Variants in SLX4IP observed in about 807,000 individuals in gnomAD.
SLX4IP encodes protein SLX4IP.
A neutral mutation model predicts 32.9 loss-of-function variants in SLX4IP; 34 were observed. The ratio of observed to expected loss-of-function variants is 1.03; its 90% CI spans 0.79 to 1.38. SLX4IP has a LOEUF of 1.38. SLX4IP is among the 40% of genes most tolerant of loss of function. The pLI, the probability that SLX4IP is intolerant of heterozygous loss-of-function variation, is 0.00. For missense variants in SLX4IP, 444 were observed against 479.0 expected (o/e 0.93, Z 0.68); for synonymous variants, 172 against 171.7 (o/e 1.00, Z -0.01).
intron 6 of SLX4IP, chr20:10,613,487 T>C: frequency 6.3e-7 from 1 of 1,599,900 alleles, no homozygotes; most frequent in South Asian, 1.1e-5. Context: ...CTTTGGAAGA[T>C]TTGCAGTACT....
chr20:10,501,954 G>A (rs1409293223), intron 2 of SLX4IP, among the ~76,000 whole-genome samples: 2 of 152,198 alleles, frequency 1.3e-5, no homozygotes, highest in Admixed American at 6.5e-5. Context: ...TCTGATGAGA[G>A]CACACCGTTT....
At chr20:10,587,832 A>G (rs1393628136) in intron 4 of SLX4IP, among the ~76,000 whole-genome samples, 2 of 152,176 alleles carry the variant, frequency 1.3e-5, no homozygotes, top group African/African-American at 2.4e-5. Context: ...ATCTTATACC[A>G]TACACAAAAA....
chr20:10,582,214 G>A (rs1013425426), intron 4 of SLX4IP, among the ~76,000 whole-genome samples: 5 of 152,124 alleles, frequency 3.3e-5, no homozygotes, highest in African/African-American at 9.7e-5. Context: ...AGGTGGCAGG[G>A]TGCAGGCAGG....
chr20:10,596,003 G>T (rs1015327480), intron 4 of SLX4IP, among the ~76,000 whole-genome samples: 1 of 152,140 alleles, frequency 6.6e-6, no homozygotes, highest in African/African-American at 2.4e-5. Context: ...AGGGGTCAAG[G>T]TTTCAATAAA....
At chr20:10,609,235 T>C (rs1037483566) in intron 6 of SLX4IP, among the ~76,000 whole-genome samples, 1 of 152,200 alleles carries the variant, frequency 6.6e-6, no homozygotes, top group Non-Finnish European at 1.5e-5. Context: ...CTTCTCAGGC[T>C]TGAATTCCTA....
intron 4 of SLX4IP, among the ~76,000 whole-genome samples, chr20:10,581,368 C>G (rs2066584298): frequency 6.6e-6 from 1 of 152,130 alleles, no homozygotes; most frequent in Non-Finnish European, 1.5e-5. Flanking sequence ...TGGGAGACAT[C>G]TGCCACTGAG....
chr20:10,535,664 CT>C lies in SLX4IP; in HGVS notation c.28-20565del, dbSNP rs1284870097. 3.6e-4 allele frequency among the ~76,000 whole-genome samples: 55 copies of C among 152,208 alleles called. 1 individual carries two copies. The highest frequency in any genetic ancestry group is 1.3e-3 in the African/African-American group (54 of 41,536). On this transcript the variant is annotated intron_variant, in intron 2 of 7. Coordinates refer to ENST00000334534, the MANE Select transcript of SLX4IP (RefSeq NM_001009608.3). Reference sequence around the variant, plus strand: ...TCTAGGGTAAGAGTCAAGGTATGAACTTAAGAGGTTTCATCCTTAGTCTCAT... The same window carrying C: ...TCTAGGGTAAGAGTCAAGGTATGAACTAAGAGGTTTCATCCTTAGTCTCAT...
intron 4 of SLX4IP, among the ~76,000 whole-genome samples, chr20:10,588,106 A>G (rs1018123057): frequency 1.3e-5 from 2 of 152,158 alleles, no homozygotes; most frequent in African/African-American, 4.8e-5. Flanking sequence ...TCCAAAATAT[A>G]TAAGGAACTC....
chr20:10,570,615 G>A (rs375089257), intron 4 of SLX4IP, among the ~76,000 whole-genome samples: 1 of 149,706 alleles, frequency 6.7e-6, no homozygotes, highest in Non-Finnish European at 1.5e-5. Context: ...TGCAACCTCC[G>A]CCTCCCAGGT....
chr20:10,571,625 C>T (rs1039105083), intron 4 of SLX4IP, among the ~76,000 whole-genome samples: 3 of 152,202 alleles, frequency 2.0e-5, no homozygotes, highest in Non-Finnish European at 2.9e-5. Context: ...TAGCAGCACT[C>T]ATTGTTCCAG....
intron 5 of SLX4IP, among the ~76,000 whole-genome samples, chr20:10,600,748 G>A (rs900156331): frequency 6.6e-6 from 1 of 152,126 alleles, no homozygotes; most frequent in Admixed American, 6.5e-5. Flanking sequence ...TCTTTAAAAA[G>A]AAATTGGTCT....
chr20:10,614,327 T>G (rs1198532284), intron 6 of SLX4IP: 1 of 578,356 alleles, frequency 1.7e-6, no homozygotes, highest in African/African-American at 1.9e-5. Context: ...ATTGAATAGC[T>G]TTTTTTCATC....
At chr20:10,488,292 A>G (rs1029503519) in intron 2 of SLX4IP, among the ~76,000 whole-genome samples, 2 of 152,212 alleles carry the variant, frequency 1.3e-5, no homozygotes, top group African/African-American at 2.4e-5. Flanking sequence ...ACACAGAGAC[A>G]GCACACACAG....
intron 4 of SLX4IP, among the ~76,000 whole-genome samples, chr20:10,580,210 C>G (rs1052954440): frequency 5.3e-5 from 8 of 152,126 alleles, no homozygotes; most frequent in African/African-American, 1.9e-4. Flanking sequence ...AAAGTTGAGG[C>G]CAGGTTAAAA....
chr20:10,577,441 G>T (rs1421355776), intron 4 of SLX4IP, among the ~76,000 whole-genome samples: 1 of 152,146 alleles, frequency 6.6e-6, no homozygotes, highest in Non-Finnish European at 1.5e-5. Flanking sequence ...ATAAGGCCTG[G>T]CATGATGGCT....
At chr20:10,456,763 C>T (rs917164611) in intron 1 of SLX4IP, among the ~76,000 whole-genome samples, 1 of 152,282 alleles carries the variant, frequency 6.6e-6, no homozygotes, top group East Asian at 1.9e-4. Context: ...TTGTTAATTT[C>T]TATAAAGAAG....
At chr20:10,489,593 C>T (rs1185475401) in intron 2 of SLX4IP, among the ~76,000 whole-genome samples, 1 of 152,194 alleles carries the variant, frequency 6.6e-6, no homozygotes, top group Non-Finnish European at 1.5e-5. Context: ...TTCCCCAGAA[C>T]CCTTTTATAC....
At chr20:10,525,447 G>A (rs915557951) in intron 2 of SLX4IP, among the ~76,000 whole-genome samples, 1 of 152,070 alleles carries the variant, frequency 6.6e-6, no homozygotes, top group African/African-American at 2.4e-5. Context: ...GTATTACAAT[G>A]TTGAGTTAAA....
chr20:10,605,986 T>C (rs910936981), intron 6 of SLX4IP, among the ~76,000 whole-genome samples: 3 of 152,238 alleles, frequency 2.0e-5, no homozygotes, highest in African/African-American at 4.8e-5. Flanking sequence ...TTGGCTGTTA[T>C]AGTCCTCAGC....
Sources: gnomAD v4.1 joint callset for allele counts (sites outside exome capture counted in the v4.1 genomes callset) on GRCh38, gnomAD v4.1.1 for gene constraint, MANE v1.5 for transcripts, NCBI Gene and HGNC (gene_info 2026-07-23, HGNC 2026-07-21) for gene names.